Variants in PAPPA observed in about 807,000 individuals in gnomAD.
PAPPA encodes the protein pappalysin-1.
A neutral mutation model predicts 164.0 loss-of-function variants in PAPPA; 60 were observed. The observed-to-expected ratio is 0.37, with a 90% CI of 0.30 to 0.45. The LOEUF (loss-of-function observed/expected upper bound fraction) is 0.45. Among genes scored for constraint, PAPPA ranks in the 20% least tolerant of loss-of-function variants. The probability of loss-of-function intolerance (pLI) is 1.00; values close to 1 mark genes in which losing one functional copy is unlikely to be tolerated. For synonymous variants in PAPPA, 875 were observed against 814.1 expected, an observed-to-expected ratio of 1.07 and a Z score of -1.27; for missense variants, 1,782 against 2,087.3, an observed-to-expected ratio of 0.85 and a Z score of 2.85.
rs1258108474 is a variant in PAPPA at position 116,295,566 on chromosome 9, A to AG, written c.2954-7191_2954-7190insG. 1.9e-3 allele frequency among the ~76,000 whole-genome samples: 291 copies of AG among 150,244 alleles called. 1 individual carries two copies. Among genetic ancestry groups the AG allele is most frequent in the African/African-American group, 6.3e-3 (251 of 40,024 alleles). ...GAGACTCGGTCTCAAAAAAAAAAAA[A>AG]AAAAGAAAAGAAAAGAAAAATTTCA... On this transcript the variant is annotated intron_variant, in intron 9 of 21. Transcript: ENST00000328252.
chr9:116,263,911 T>C lies in PAPPA; in HGVS notation c.2733-1946T>C, dbSNP rs565928669. 6.6e-4 allele frequency among the ~76,000 whole-genome samples: 101 copies of C among 152,292 alleles called. 1 individual carries two copies. Among genetic ancestry groups the C allele is most frequent in the African/African-American group, 2.3e-3 (96 of 41,568 alleles). On this transcript the variant is annotated intron_variant, in intron 7 of 21. Coordinates refer to ENST00000328252, the MANE Select transcript of PAPPA (RefSeq NM_002581.5). ...CATGCCAGAAGTGAAAAACACAATGTAGAGAAGTACTTTTCATACTCACCC... is the reference window on the plus strand; with the variant it reads ...CATGCCAGAAGTGAAAAACACAATGCAGAGAAGTACTTTTCATACTCACCC...
At chr9:116,309,167 C>T (rs1277934955) in intron 10 of PAPPA, among the ~76,000 whole-genome samples, 2 of 151,992 alleles carry the variant, frequency 1.3e-5, no homozygotes, top group Non-Finnish European at 2.9e-5. Flanking sequence ...CCTCCACCTC[C>T]CAGGTTCAAG....
chr9:116,200,883 G>A (rs1844164450), intron 2 of PAPPA, among the ~76,000 whole-genome samples: 1 of 152,078 alleles, frequency 6.6e-6, no homozygotes, highest in Admixed American at 6.5e-5. Context: ...AAAAATGGAG[G>A]TAAGGAAAGA....
intron 13 of PAPPA, among the ~76,000 whole-genome samples, chr9:116,342,156 G>A (rs1846146788): frequency 6.6e-6 from 1 of 152,198 alleles, no homozygotes; most frequent in Non-Finnish European, 1.5e-5. Context: ...GTTAGGCACA[G>A]GTCAGAACAG....
chr9:116,334,350 G>A (rs1229539048), intron 12 of PAPPA, among the ~76,000 whole-genome samples: 3 of 151,650 alleles, frequency 2.0e-5, no homozygotes, highest in African/African-American at 4.8e-5. Context: ...CCCTGCCCAC[G>A]ATTCTCAACC....
At chr9:116,286,035 C>A (rs1030370132) in intron 9 of PAPPA, 1 of 152,036 alleles carries the variant, frequency 6.6e-6, no homozygotes, top group African/African-American at 2.4e-5. Flanking sequence ...CTAGTTCCCC[C>A]ACAAAAGGGG....
At chr9:116,162,541 A>G (rs1009573011) in intron 1 of PAPPA, among the ~76,000 whole-genome samples, 1 of 152,138 alleles carries the variant, frequency 6.6e-6, no homozygotes, top group Non-Finnish European at 1.5e-5. Context: ...AACCCTGACT[A>G]TTGCACCTGC....
chr9:116,248,989 T>C (rs2118775030), intron 7 of PAPPA, among the ~76,000 whole-genome samples: 1 of 151,922 alleles, frequency 6.6e-6, no homozygotes, highest in South Asian at 2.1e-4. Context: ...TCAGCTCTCT[T>C]ATCCTTAAAG....
chr9:116,299,598 G>T (rs1047898729), intron 9 of PAPPA, among the ~76,000 whole-genome samples: 1 of 152,166 alleles, frequency 6.6e-6, no homozygotes, highest in African/African-American at 2.4e-5. Context: ...GGAGAAGAAA[G>T]TGATACCAAG....
chr9:116,243,996 G>A (rs1001094691), intron 7 of PAPPA, among the ~76,000 whole-genome samples: 9 of 152,124 alleles, frequency 5.9e-5, no homozygotes, highest in Admixed American at 4.6e-4. Context: ...TCAGGCCAGG[G>A]GAGCACATAG....
At chr9:116,209,073 A>G (rs1844274351) in intron 3 of PAPPA, among the ~76,000 whole-genome samples, 1 of 152,186 alleles carries the variant, frequency 6.6e-6, no homozygotes, top group South Asian at 2.1e-4. Context: ...TAAAAAGTCA[A>G]TAGTGCTGAG....
In PAPPA at chr9:116,347,250, A is replaced by G. The variant is rs781517865; in HGVS notation, c.3964+41A>G. ...TCCCCAGCTCAGCCTTCCTTTGTCT[A>G]TGGGAAACCTAGAAGCTGCATCCAG... On this transcript the variant is annotated intron_variant, in intron 15 of 21. Transcript: ENST00000328252. This position sits in a 1 kb window ranked among gnomAD's most constrained non-coding sequence, Gnocchi z 4.5. The G allele has an allele frequency of 6.5e-7, 1 of 1,549,810 alleles. No individual in the cohort carries two copies. The highest frequency in any genetic ancestry group is 1.2e-5 in the South Asian group (1 of 81,314).
chr9:116,305,643 C>T (rs1845637049), intron 10 of PAPPA, among the ~76,000 whole-genome samples: 1 of 152,182 alleles, frequency 6.6e-6, no homozygotes. Flanking sequence ...CCTTGTCATT[C>T]TTCAAGGTAG....
At chr9:116,286,420 C>T (rs969381012) in intron 9 of PAPPA, 4 of 152,192 alleles carry the variant, frequency 2.6e-5, no homozygotes, top group Non-Finnish European at 4.4e-5. Context: ...TGCCACCCCC[C>T]AGGCAGAGAA....
At chr9:116,215,099 C>T (rs1367672910) in intron 4 of PAPPA, among the ~76,000 whole-genome samples, 1 of 152,060 alleles carries the variant, frequency 6.6e-6, no homozygotes. Context: ...TATTATAGGG[C>T]CACTAAAGAT....
chr9:116,334,883 G>T lies in PAPPA; in HGVS notation c.3420G>T (p.Arg1140Ser). The change falls in exon 13 of 22, where the codon AGG (arginine) becomes AGT (serine). Residue 1140 changes from arginine to serine, a missense_variant. Coordinates refer to ENST00000328252, the MANE Select transcript of PAPPA (RefSeq NM_002581.5). ...CAGGCCTCCATGTCCTGAGCTGCAG[G>T]AACAATCCCCTGATTATCCCTGTGG... ...HDLGLHVLSC[R>S]NNPLIIPVVH... 6.2e-7 allele frequency: 1 copy of T among 1,613,940 alleles called. No individual in the cohort carries two copies. The highest frequency in any genetic ancestry group is 8.5e-7 in the Non-Finnish European group (1 of 1,179,952).
chr9:116,358,445 T>G (rs1846381486), intron 17 of PAPPA, among the ~76,000 whole-genome samples: 1 of 152,236 alleles, frequency 6.6e-6, no homozygotes, highest in Admixed American at 6.5e-5. Flanking sequence ...CACGTTAGAT[T>G]GATTGCTTCA....
chr9:116,289,324 G>GCCATATATATA (rs1276187721), intron 9 of PAPPA, among the ~76,000 whole-genome samples: 10,552 of 98,576 alleles, frequency 0.11, 2,369 homozygotes, highest in African/African-American at 0.14. Flanking sequence ...GCATATATAT[G>GCCATATATATA]GCATATATAT....
chr9:116,382,275 C>T, intron 20 of PAPPA, 120 bp from the exon 21 acceptor site: 2 of 692,302 alleles, frequency 2.9e-6, no homozygotes, highest in South Asian at 3.3e-5. Flanking sequence ...TGAAGCCTGG[C>T]CAGCTAATCG....
Sources: allele counts gnomAD v4.1 joint callset (sites outside exome capture counted in the v4.1 genomes callset), GRCh38; gene constraint gnomAD v4.1.1; non-coding constraint Gnocchi (gnomAD v3.1); transcripts MANE v1.5; gene names NCBI Gene and HGNC (gene_info 2026-07-23, HGNC 2026-07-21).